Variants in RASSF3 observed in about 807,000 individuals in gnomAD.
RASSF3 encodes the protein ras association domain-containing protein 3.
RASSF3 carries 19 observed loss-of-function variants against 19.9 expected under a neutral mutation model. That is an observed-to-expected ratio of 0.96 (90% CI 0.67 to 1.40). The LOEUF (loss-of-function observed/expected upper bound fraction) is 1.40. Ranked by LOEUF, RASSF3 falls within the 40% of genes most tolerant of loss-of-function variation. The pLI is 0.00. For synonymous variants in RASSF3, 110 were observed against 104.2 expected (o/e 1.06, Z -0.34); for missense variants, 306 against 289.8 (o/e 1.06, Z -0.41).
chr12:64,623,724 CT>C lies in RASSF3; in HGVS notation c.111+12983del, dbSNP rs57471087. ...GTGGCACGATCTCGGCTCACTGCAG[CT>C]TCTGCTTCCCAGGTTCAAGAAATTC... is the stretch of plus-strand genomic sequence containing the variant. On this transcript the variant is annotated intron_variant, in intron 1 of 4. Coordinates refer to ENST00000542104, the MANE Select transcript of RASSF3 (RefSeq NM_178169.4). Among the ~76,000 whole-genome samples the C allele has an allele frequency of 1.8e-3, 271 of 150,780 alleles. 1 individual carries two copies. Among genetic ancestry groups the C allele is most frequent in the African/African-American group, 6.5e-3 (261 of 40,132 alleles).
At chr12:64,534,691 CAG>C (rs887425472) in intron 1 of RASSF3, among the ~76,000 whole-genome samples, 1 of 151,998 alleles carries the variant, frequency 6.6e-6, no homozygotes, top group African/African-American at 2.4e-5. Context: ...AATAGAGAGA[CAG>C]AGAGAGACAA....
intron 1 of RASSF3, among the ~76,000 whole-genome samples, chr12:64,655,951 C>G (rs1872142947): frequency 6.6e-6 from 1 of 150,506 alleles, no homozygotes; most frequent in Admixed American, 6.6e-5. Context: ...TGCTTAAACC[C>G]AGGAGATGGA....
chr12:64,603,319 AT>A (rs1870128802), intron 2 of RASSF3, among the ~76,000 whole-genome samples: 1 of 152,172 alleles, frequency 6.6e-6, no homozygotes, highest in African/African-American at 2.4e-5. Context: ...CATCAGGTAT[AT>A]GCTTTCCCTT....
chr12:64,605,791 G>C (rs1337924692), upstream of RASSF3, among the ~76,000 whole-genome samples: 1 of 151,660 alleles, frequency 6.6e-6, no homozygotes, highest in Admixed American at 6.6e-5. Flanking sequence ...GGGAGGCTGA[G>C]GCAGGAGAAT....
rs138220402 is a variant in RASSF3, at chr12:64,548,066, A to G, written c.294+6361A>G. On this transcript the variant is annotated intron_variant, in intron 2 of 5. Coordinates refer to the RASSF3 transcript ENST00000637125. ...TTTCACCCTTCCTTACAATGTGACC[A>G]TGTTTCCTGCCGCTCTATATTCTCT... 8.5e-5 allele frequency among the ~76,000 whole-genome samples: 13 copies of G among 152,318 alleles called. No individual in the cohort carries two copies. In the South Asian group the frequency reaches 1.5e-3, roughly 17 times the overall value.
intron 2 of RASSF3, among the ~76,000 whole-genome samples, chr12:64,574,148 A>T (rs1869561130): frequency 6.6e-6 from 1 of 151,578 alleles, no homozygotes; most frequent in African/African-American, 2.4e-5. Flanking sequence ...ACTAAAAAAA[A>T]AAAAATACAA....
chr12:64,579,199 C>T (rs1869646073), intron 2 of RASSF3, among the ~76,000 whole-genome samples: 1 of 151,958 alleles, frequency 6.6e-6, no homozygotes, highest in African/African-American at 2.4e-5. Flanking sequence ...GTTAGAAAGT[C>T]TGCACCTTTT....
chr12:64,525,559 T>A (rs757921809), intron 1 of RASSF3, among the ~76,000 whole-genome samples: 3 of 152,196 alleles, frequency 2.0e-5, no homozygotes, highest in Non-Finnish European at 4.4e-5. Flanking sequence ...TGAACAGTCA[T>A]ACGCATTCTC....
At chr12:64,511,016 T>C (rs1868325187) in intron 1 of RASSF3, among the ~76,000 whole-genome samples, 1 of 152,190 alleles carries the variant, frequency 6.6e-6, no homozygotes, top group Non-Finnish European at 1.5e-5. Flanking sequence ...TGAGCTTTCT[T>C]GTCTGTAAAA....
At chr12:64,615,296 C>G (rs1040979654) in intron 1 of RASSF3, among the ~76,000 whole-genome samples, 9 of 152,180 alleles carry the variant, frequency 5.9e-5, no homozygotes, top group East Asian at 3.8e-4. Flanking sequence ...ACCTCTCCTC[C>G]TGAGCCTTTG....
rs549974823 is a variant in RASSF3 at position 64,642,475 on chromosome 12, G to A, written c.111+31732G>A. Among the ~76,000 whole-genome samples, 87 of 139,456 alleles carry A rather than the reference G, an allele frequency of 6.2e-4. 1 individual carries two copies. Among genetic ancestry groups the A allele is most frequent in the Non-Finnish European group, 1.1e-3 (72 of 66,244 alleles). 91.5% of individuals were successfully genotyped at this position (139,456 alleles called of 152,430 possible). On this transcript the variant is annotated intron_variant, in intron 1 of 4. Coordinates refer to ENST00000542104, the MANE Select transcript of RASSF3 (RefSeq NM_178169.4). ...CTCAGGAGGCTGAGGCAGGAGAATC[G>A]CTTGAATCCTGGAAGCAGAGGTTGC... is the stretch of plus-strand genomic sequence containing the variant.
chr12:64,520,555 C>CACATTATATATATAT (rs1435123674), intron 1 of RASSF3, among the ~76,000 whole-genome samples: 1 of 86,346 alleles, frequency 1.2e-5, no homozygotes, highest in Admixed American at 1.3e-4. Context: ...CACATACACA[C>CACATTATATATATAT]ATATATATAT....
At chr12:64,684,427 G>GTTTTTT (rs1188238001) in intron 1 of RASSF3, among the ~76,000 whole-genome samples, 6 of 59,082 alleles carry the variant, frequency 1.0e-4, no homozygotes, top group African/African-American at 3.9e-4. Context: ...CTGTTTGTTT[G>GTTTTTT]TTTGTTTGTT....
chr12:64,696,819 G>A lies in RASSF3; in HGVS notation c.*1907G>A, dbSNP rs966363084. The A allele has an allele frequency of 6.6e-6, 1 of 152,058 alleles. No individual in the cohort carries two copies. The highest frequency in any genetic ancestry group is 2.4e-5 in the African/African-American group (1 of 41,402). 9.4% of individuals were successfully genotyped at this position (152,058 alleles called of 1,614,324 possible). A position where few individuals can be genotyped will look rare whatever the true frequency, so the allele number is the denominator to read the frequency against. On this transcript the variant is annotated 3_prime_UTR_variant, in exon 5 of 5. Coordinates refer to ENST00000542104, the MANE Select transcript of RASSF3 (RefSeq NM_178169.4). ...TAATTTTGCATGTAACTTCTCTTTT[G>A]TACATTGATGAGGTTTTAGTGACAT...
intron 1 of RASSF3, among the ~76,000 whole-genome samples, chr12:64,679,339 G>A (rs933674776): frequency 3.3e-5 from 5 of 152,216 alleles, no homozygotes; most frequent in Non-Finnish European, 5.9e-5. Flanking sequence ...GATTACGGGC[G>A]TGAGCCACCG....
At chr12:64,530,766 G>A (rs1044910136), upstream of RASSF3, among the ~76,000 whole-genome samples, 1 of 152,178 alleles carries the variant, frequency 6.6e-6, no homozygotes, top group Admixed American at 6.5e-5. Flanking sequence ...CATTCCAATA[G>A]GTGTGTGGTA....
At chr12:64,513,418 C>G (rs1017643409) in intron 1 of RASSF3, among the ~76,000 whole-genome samples, 21 of 150,304 alleles carry the variant, frequency 1.4e-4, no homozygotes, top group African/African-American at 4.2e-4. Context: ...CCACTGCACT[C>G]CAGCCTGGGC....
At chr12:64,617,395 C>T (rs1187747439) in intron 1 of RASSF3, among the ~76,000 whole-genome samples, 1 of 152,180 alleles carries the variant, frequency 6.6e-6, no homozygotes, top group Non-Finnish European at 1.5e-5. Flanking sequence ...TACACAGTCC[C>T]TGGCCTCTTT....
At chr12:64,640,767 T>G (rs186338733) in intron 1 of RASSF3, among the ~76,000 whole-genome samples, 10 of 152,174 alleles carry the variant, frequency 6.6e-5, no homozygotes, top group Admixed American at 1.3e-4. Flanking sequence ...CTCAGCCTCC[T>G]GAATAGCTGG....
Sources: allele counts gnomAD v4.1 joint callset (sites outside exome capture counted in the v4.1 genomes callset), GRCh38; gene constraint gnomAD v4.1.1; transcripts MANE v1.5; gene names NCBI Gene and HGNC (gene_info 2026-07-23, HGNC 2026-07-21).